Variants in RANBP2 observed in about 807,000 individuals in gnomAD.
RANBP2 encodes the protein E3 SUMO-protein ligase RanBP2.
RANBP2 carries 57 observed loss-of-function variants against 303.6 expected under a neutral mutation model. That is an observed-to-expected ratio of 0.19 (90% CI 0.15 to 0.23). The LOEUF (loss-of-function observed/expected upper bound fraction) is 0.23. Ranked by LOEUF, RANBP2 falls within the 10% of genes least tolerant of loss-of-function variation. The pLI is 1.00. For missense variants in RANBP2, 3,138 were observed against 3,780.8 expected, an observed-to-expected ratio of 0.83 and a Z score of 4.46; for synonymous variants, 1,167 against 1,301.5, an observed-to-expected ratio of 0.90 and a Z score of 2.23.
At chr2:108,933,813 G>A in the RANBP2 span, among the ~76,000 whole-genome samples, 5 of 151,996 alleles carry the variant, frequency 3.3e-5, no homozygotes, top group South Asian at 2.1e-4. Flanking sequence ...CCCGTCAGGT[G>A]GGGGAGGGTT....
the RANBP2 span, among the ~76,000 whole-genome samples, chr2:108,813,782 C>T: frequency 0.047 from 7,143 of 152,062 alleles, 563 homozygotes; most frequent in African/African-American, 0.16. Context: ...TCTCTAATAC[C>T]CTTTCCTGGT....
At chr2:108,937,169 G>C in the RANBP2 span, among the ~76,000 whole-genome samples, 1 of 152,236 alleles carries the variant, frequency 6.6e-6, no homozygotes, top group African/African-American at 2.4e-5. Context: ...GTTTCAAACA[G>C]CATCACATGG....
chr2:109,315,779 C>T, the RANBP2 span, among the ~76,000 whole-genome samples: 18 of 152,290 alleles, frequency 1.2e-4, no homozygotes, highest in East Asian at 5.8e-4. Flanking sequence ...AGGTGAATGC[C>T]GGTTGCTGCC....
the RANBP2 span, chr2:109,251,508 A>C: frequency 1.3e-6 from 1 of 743,620 alleles, no homozygotes; most frequent in Non-Finnish European, 2.5e-6. Flanking sequence ...ATGTCCAAGG[A>C]ATATTGTGGT....
At chr2:108,933,806 G>A in the RANBP2 span, among the ~76,000 whole-genome samples, 1 of 151,988 alleles carries the variant, frequency 6.6e-6, no homozygotes, top group African/African-American at 2.4e-5. Flanking sequence ...CCTGCAGCCC[G>A]TCAGGTGGGG....
the RANBP2 span, among the ~76,000 whole-genome samples, chr2:109,647,816 G>A: frequency 6.6e-6 from 1 of 152,186 alleles, no homozygotes; most frequent in African/African-American, 2.4e-5. Flanking sequence ...AGCAAAACTA[G>A]GCTTGCTTGT....
intron 1 of RANBP2, among the ~76,000 whole-genome samples, chr2:108,721,682 A>G (rs1694260984): frequency 6.6e-6 from 1 of 152,114 alleles, no homozygotes; most frequent in South Asian, 2.1e-4. Context: ...CCTGGGCTCA[A>G]GTGATTTCCC....
chr2:109,301,151 G>C, the RANBP2 span, among the ~76,000 whole-genome samples: 1 of 152,210 alleles, frequency 6.6e-6, no homozygotes, highest in African/African-American at 2.4e-5. Context: ...GCAAGCCTTA[G>C]ATTAGTCCAA....
At chr2:109,356,337 A>G in the RANBP2 span, among the ~76,000 whole-genome samples, 61 of 152,216 alleles carry the variant, frequency 4.0e-4, no homozygotes, top group East Asian at 7.4e-3. Context: ...GCCAGAAGAG[A>G]TGCCTGCTGC....
At chr2:109,477,958 C>A in the RANBP2 span, among the ~76,000 whole-genome samples, 1 of 152,204 alleles carries the variant, frequency 6.6e-6, no homozygotes, top group African/African-American at 2.4e-5. Context: ...CCTGCCTTTG[C>A]TGGAGGGTTC....
At chr2:109,512,417 C>A in the RANBP2 span, among the ~76,000 whole-genome samples, 2 of 152,284 alleles carry the variant, frequency 1.3e-5, no homozygotes, top group South Asian at 2.1e-4. Context: ...CTCCTGCCCC[C>A]TCCTGAGTCA....
At chr2:108,930,037 C>T in the RANBP2 span, 1 of 1,506,414 alleles carries the variant, frequency 6.6e-7, no homozygotes, top group East Asian at 2.4e-5. Flanking sequence ...CCTCACACAG[C>T]AAGGCAGGCT....
At chr2:109,363,004 T>C in the RANBP2 span, among the ~76,000 whole-genome samples, 2 of 152,182 alleles carry the variant, frequency 1.3e-5, no homozygotes, top group South Asian at 2.1e-4. Flanking sequence ...CTTGTTTTAT[T>C]TTATCAACTT....
chr2:109,176,973 G>T, the RANBP2 span, among the ~76,000 whole-genome samples: 8 of 152,182 alleles, frequency 5.3e-5, no homozygotes, highest in African/African-American at 1.9e-4. Context: ...GGTGAGGTAT[G>T]ATGGCCTCAA....
rs531378652 is a variant in RANBP2 at position 108,763,373 on chromosome 2, G to A, written c.2834G>A (p.Arg945His). The stretch of plus-strand genomic sequence containing the variant: ...GAGATGTATGGTCCTCCTGCATTGC[G>A]TTTTGAGTCTCCTGCAACGGGAATT... Reference protein sequence around the residue: ...SQEMYGPPALRFESPATGILS... With the variant: ...SQEMYGPPALHFESPATGILS... Residue 945 changes from arginine to histidine, a missense_variant, in exon 20 of 29, where the codon CGT becomes CAT. By Grantham distance (29) the Arg-to-His change is conservative (BLOSUM62 0). This residue lies in a region of RANBP2 where 403 missense variants were observed against 376.7 expected (regional missense o/e 1.07). Transcript: ENST00000283195. The A allele has an allele frequency of 1.2e-5, 20 of 1,613,860 alleles. No homozygotes were observed. In the Admixed American group the frequency reaches 1.7e-4, roughly 13 times the overall value.
the RANBP2 span, among the ~76,000 whole-genome samples, chr2:108,945,401 G>A: frequency 6.6e-6 from 1 of 152,164 alleles, no homozygotes; most frequent in Non-Finnish European, 1.5e-5. Flanking sequence ...TGGAACTAGA[G>A]TATGCTGGTA....
At chr2:109,623,048 A>G in the RANBP2 span, among the ~76,000 whole-genome samples, 1 of 152,242 alleles carries the variant, frequency 6.6e-6, no homozygotes, top group East Asian at 1.9e-4. Context: ...AATCACTTGA[A>G]CCCAGGAGGC....
chr2:109,008,906 A>AAAAAG, the RANBP2 span, among the ~76,000 whole-genome samples: 818 of 150,992 alleles, frequency 5.4e-3, 7 homozygotes, highest in African/African-American at 0.019. Flanking sequence ...CTCAAAAAAA[A>AAAAAG]AAAAGAAAAG....
chr2:108,725,727 C>T (rs1470153819), intron 1 of RANBP2, among the ~76,000 whole-genome samples: 10 of 148,688 alleles, frequency 6.7e-5, no homozygotes, highest in Non-Finnish European at 1.0e-4. Flanking sequence ...AAGACTCCAT[C>T]TCAAAAAAAA....
Sources: allele counts gnomAD v4.1 joint callset (sites outside exome capture counted in the v4.1 genomes callset), GRCh38; gene constraint gnomAD v4.1.1; regional missense constraint gnomAD v4.1.1; transcripts MANE v1.5; gene names NCBI Gene and HGNC (gene_info 2026-07-23, HGNC 2026-07-21).